Variants in POMK observed in about 807,000 individuals in gnomAD.
POMK encodes protein O-mannose kinase.
POMK carries 19 observed loss-of-function variants against 23.0 expected under a neutral mutation model. That is an observed-to-expected ratio of 0.83 (90% CI 0.58 to 1.21). The LOEUF is 1.21. Ranked by LOEUF, POMK falls within the 50% of genes most tolerant of loss-of-function variation. The pLI is 0.00. For synonymous variants in POMK, 173 were observed against 171.6 expected, an observed-to-expected ratio of 1.01 and a Z score of -0.06; for missense variants, 410 against 431.3, an observed-to-expected ratio of 0.95 and a Z score of 0.44.
intron 1 of POMK, among the ~76,000 whole-genome samples, chr8:43,096,857 T>TA (rs969407579): frequency 2.0e-4 from 31 of 152,050 alleles, no homozygotes; most frequent in African/African-American, 7.5e-4. Context: ...GTTGAGCTTT[T>TA]AAAAAAAACT....
intron 4 of POMK, among the ~76,000 whole-genome samples, chr8:43,104,682 T>C (rs1296874753): frequency 1.3e-5 from 2 of 152,222 alleles, no homozygotes; most frequent in Non-Finnish European, 2.9e-5. Context: ...CAGTGTCTTA[T>C]ACATGTAATC....
chr8:43,102,834 G>A (rs1811471875), intron 3 of POMK, among the ~76,000 whole-genome samples: 2 of 152,200 alleles, frequency 1.3e-5, no homozygotes, highest in South Asian at 4.1e-4. Flanking sequence ...CAGCGGTAGA[G>A]CCCACACATT....
At chr8:43,100,891 A>G (rs1409019770) in intron 2 of POMK, among the ~76,000 whole-genome samples, 3 of 152,004 alleles carry the variant, frequency 2.0e-5, no homozygotes, top group Non-Finnish European at 4.4e-5. Flanking sequence ...AGGACACTCT[A>G]GGAAGGGGCA....
chr8:43,122,423 G>A lies in POMK; in HGVS notation c.599G>A (p.Arg200Gln), dbSNP rs146214675. The stretch of plus-strand genomic sequence containing the variant: ...CTGCACCACAGCCCTGTGGGCACAC[G>A]GGTCATGTGCGACTCCAACGACCTG... Reference protein sequence around the residue: ...NYLHHSPVGTRVMCDSNDLPK... With the variant: ...NYLHHSPVGTQVMCDSNDLPK... The change falls in exon 5 of 5, where the codon CGG (arginine) becomes CAG (glutamine). Residue 200 changes from arginine to glutamine, a missense_variant. Arg to Gln is a conservative substitution (Grantham distance 43). Transcript: ENST00000331373. 1.8e-5 allele frequency: 29 copies of A among 1,614,146 alleles called. 1 individual carries two copies. Among genetic ancestry groups the A allele is most frequent in the Admixed American group, 5.0e-5 (3 of 60,026 alleles).
At chr8:43,119,454 T>G (rs1019113555) in intron 4 of POMK, among the ~76,000 whole-genome samples, 8 of 149,386 alleles carry the variant, frequency 5.4e-5, no homozygotes, top group South Asian at 4.3e-4. Flanking sequence ...TTTTTTTTTT[T>G]TTTGAGACGA....
chr8:43,100,432 G>C (rs1356023833), intron 2 of POMK, among the ~76,000 whole-genome samples: 2 of 151,994 alleles, frequency 1.3e-5, no homozygotes, highest in East Asian at 3.9e-4. Context: ...GGGATAGTGT[G>C]GTAGAGGCAC....
At chr8:43,105,770 TCTC>T (rs1222431712) in intron 4 of POMK, among the ~76,000 whole-genome samples, 1 of 152,164 alleles carries the variant, frequency 6.6e-6, no homozygotes, top group Non-Finnish European at 1.5e-5. Flanking sequence ...TTCAAGCAAT[TCTC>T]CTGCCTCAGC....
intron 4 of POMK, among the ~76,000 whole-genome samples, chr8:43,116,190 G>A (rs1243071396): frequency 6.6e-6 from 1 of 152,134 alleles, no homozygotes; most frequent in Non-Finnish European, 1.5e-5. Context: ...TGGTGGTAGG[G>A]ATTTATGTTT....
chr8:43,094,362 A>AAAACC (rs944405990), intron 1 of POMK, among the ~76,000 whole-genome samples: 1 of 151,690 alleles, frequency 6.6e-6, no homozygotes. Flanking sequence ...TAAAAAAACA[A>AAAACC]AAACCAAACC....
intron 4 of POMK, among the ~76,000 whole-genome samples, chr8:43,117,718 T>G (rs1244586643): frequency 2.0e-5 from 3 of 152,164 alleles, no homozygotes; most frequent in Non-Finnish European, 2.9e-5. Flanking sequence ...AAATACAAAT[T>G]AGAAGAGTAA....
In POMK at chr8:43,122,620, G is replaced by A. The variant is rs543448796; in HGVS notation, c.796G>A (p.Val266Met). ...PEQLWPYGEDVPFHDDLMPSY... is the reference protein window; with the variant it reads ...PEQLWPYGEDMPFHDDLMPSY... ...GCAACTGTGGCCCTATGGAGAGGAC[G>A]TGCCTTTCCACGATGATCTCATGCC... The change falls in exon 5 of 5, where the codon GTG becomes ATG. Residue 266 changes from valine to methionine, a missense_variant. Transcript: ENST00000331373. 1.4e-5 allele frequency: 23 copies of A among 1,614,160 alleles called. No individual in the cohort carries two copies. Among genetic ancestry groups the A allele is most frequent in the Middle Eastern group, 1.6e-4 (1 of 6,062 alleles).
intron 4 of POMK, among the ~76,000 whole-genome samples, chr8:43,106,751 G>A (rs1039774183): frequency 1.3e-5 from 2 of 151,898 alleles, no homozygotes; most frequent in African/African-American, 2.4e-5. Context: ...CGCCCTCCTC[G>A]ACCTCCCAAA....
intron 2 of POMK, among the ~76,000 whole-genome samples, chr8:43,100,152 G>A (rs1811408750): frequency 6.6e-6 from 1 of 152,178 alleles, no homozygotes; most frequent in Admixed American, 6.5e-5. Flanking sequence ...GGGAGCAGGG[G>A]GTCAGAGGAA....
Position 43,103,770 on chromosome 8 carries a change from C to A in POMK, c.222C>A (p.Cys74Ter). The A allele has an allele frequency of 6.2e-7, 1 of 1,614,190 alleles. No homozygotes were observed. The highest frequency in any genetic ancestry group is 1.1e-5 in the South Asian group (1 of 91,090). ...AAAACTGCTCACCTTGGCTGTCCTGCGAGGAGCTGAGAACAGAAGTGAGAC... is the reference window on the plus strand; with the variant it reads ...AAAACTGCTCACCTTGGCTGTCCTGAGAGGAGCTGAGAACAGAAGTGAGAC... ...QMKNCSPWLS[C>*]EELRTEVRQL... Residue 74 changes from cysteine to a stop codon, truncating the protein, a stop_gained, in exon 4 of 5, where the codon TGC (cysteine) becomes TGA (stop). Coordinates refer to ENST00000331373, the MANE Select transcript of POMK (RefSeq NM_032237.5). LOFTEE classifies it high-confidence loss of function.
At position 43,122,915 on chromosome 8, in the gene POMK, G is replaced by C. The variant is rs778767217; in HGVS notation, c.*38G>C. 4 of 1,542,270 alleles carry C rather than the reference G, an allele frequency of 2.6e-6. No homozygotes were observed. In the South Asian group the frequency reaches 4.8e-5, roughly 19 times the overall value. Reference sequence around the variant, plus strand: ...CCAATGAAGGTGGGATTGAAGGGCTGAATGGAAGTTACAGCATTCTACTCT... The same window carrying C: ...CCAATGAAGGTGGGATTGAAGGGCTCAATGGAAGTTACAGCATTCTACTCT... On this transcript the variant is annotated 3_prime_UTR_variant, in exon 5 of 5. Transcript: ENST00000331373.
At chr8:43,117,263 CAG>C (rs1811819863) in intron 4 of POMK, among the ~76,000 whole-genome samples, 1 of 152,214 alleles carries the variant, frequency 6.6e-6, no homozygotes. Context: ...GTGCAAGTCA[CAG>C]GGGATGCGAT....
intron 1 of POMK, among the ~76,000 whole-genome samples, chr8:43,094,134 C>G (rs1215239842): frequency 6.6e-6 from 1 of 152,188 alleles, no homozygotes; most frequent in African/African-American, 2.4e-5. Flanking sequence ...CGCTCTGTCG[C>G]CCAGGCTGGA....
chr8:43,103,443 T>C (rs1811482644), intron 3 of POMK, 85 bp from the exon 4 acceptor site: 14 of 1,297,740 alleles, frequency 1.1e-5, no homozygotes, highest in Non-Finnish European at 1.4e-5. Context: ...GACCCTTGAG[T>C]AGAAGAGGCA....
chr8:43,110,912 C>T (rs1348827161), intron 4 of POMK, among the ~76,000 whole-genome samples: 1 of 151,772 alleles, frequency 6.6e-6, no homozygotes, highest in African/African-American at 2.4e-5. Context: ...AAGAGTGAGC[C>T]TCCGTCTTAA....
Sources: gnomAD v4.1 joint callset for allele counts (sites outside exome capture counted in the v4.1 genomes callset) on GRCh38, gnomAD v4.1.1 for gene constraint, MANE v1.5 for transcripts, NCBI Gene and HGNC (gene_info 2026-07-23, HGNC 2026-07-21) for gene names.